The following RAP1A variants were observed in gnomAD, a reference collection of about 807,000 sequenced individuals.
The protein encoded by RAP1A is ras-related protein Rap-1A.
A neutral mutation model predicts 26.4 loss-of-function variants in RAP1A; 6 were observed. The observed-to-expected ratio is 0.23, with a 90% CI of 0.12 to 0.45. RAP1A has a LOEUF of 0.45. Among genes scored for constraint, RAP1A ranks in the 20% least tolerant of loss-of-function variants. The probability of loss-of-function intolerance (pLI) is 0.99; values close to 1 mark genes in which losing one functional copy is unlikely to be tolerated. For synonymous variants in RAP1A, 73 were observed against 79.4 expected (o/e 0.92, Z 0.43); for missense variants, 121 against 217.2 (o/e 0.56, Z 2.78).
At chr1:111,560,390 G>A (rs1402908211) in intron 1 of RAP1A, among the ~76,000 whole-genome samples, 1 of 151,446 alleles carries the variant, frequency 6.6e-6, no homozygotes, top group Non-Finnish European at 1.5e-5. Context: ...TATTCACTAA[G>A]TTCTTAACAA....
chr1:111,563,235 C>T (rs940455956), intron 1 of RAP1A, among the ~76,000 whole-genome samples: 2 of 152,174 alleles, frequency 1.3e-5, no homozygotes, highest in South Asian at 2.1e-4. Flanking sequence ...TGATTAGCAC[C>T]ACTGTACTAC....
At chr1:111,664,330 C>T (rs975071456) in intron 1 of RAP1A, among the ~76,000 whole-genome samples, 12 of 129,454 alleles carry the variant, frequency 9.3e-5, no homozygotes, top group Middle Eastern at 4.6e-3. Context: ...GCTGAGATTG[C>T]GCAACTGCAC....
intron 1 of RAP1A, among the ~76,000 whole-genome samples, chr1:111,621,243 C>CTT (rs1435893678): frequency 6.6e-6 from 1 of 152,178 alleles, no homozygotes; most frequent in Non-Finnish European, 1.5e-5. Flanking sequence ...GATTTGGAAA[C>CTT]TTTCTTTGGG....
chr1:111,625,243 A>G (rs1659358544), intron 1 of RAP1A, among the ~76,000 whole-genome samples: 1 of 152,126 alleles, frequency 6.6e-6, no homozygotes, highest in Non-Finnish European at 1.5e-5. Context: ...GCAGTGCTGT[A>G]CCCACTTATT....
chr1:111,703,522 G>GCCAAATAAAAAAGTGCCTGTTTT, intron 5 of RAP1A, 46 bp downstream of exon 5: 1 of 1,443,792 alleles, frequency 6.9e-7, no homozygotes, highest in Non-Finnish European at 9.2e-7. Flanking sequence ...TCTCTCTGTG[G>GCCAAATAAAAAAGTGCCTGTTTT]CCAAATAAAA....
chr1:111,551,475 G>A (rs991795785), intron 1 of RAP1A, among the ~76,000 whole-genome samples: 6 of 151,966 alleles, frequency 3.9e-5, no homozygotes, highest in African/African-American at 7.2e-5. Context: ...AATGTAATTA[G>A]GATTAATACC....
chr1:111,675,047 C>A (rs1380238705), intron 1 of RAP1A, among the ~76,000 whole-genome samples: 1 of 151,884 alleles, frequency 6.6e-6, no homozygotes, highest in Non-Finnish European at 1.5e-5. Flanking sequence ...TATGTAGTAT[C>A]CCTGGATCTT....
intron 1 of RAP1A, among the ~76,000 whole-genome samples, chr1:111,688,493 G>A (rs1661564533): frequency 6.6e-6 from 1 of 151,432 alleles, no homozygotes; most frequent in South Asian, 2.1e-4. Context: ...CTAATTTTTT[G>A]TACTTTAGTA....
At chr1:111,573,103 T>TGA (rs1346847991) in intron 1 of RAP1A, among the ~76,000 whole-genome samples, 1 of 152,250 alleles carries the variant, frequency 6.6e-6, no homozygotes. Context: ...GGTTGCATAG[T>TGA]ATTCCATGGT....
At chr1:111,706,739 C>T (rs1447200621) in intron 6 of RAP1A, 2 of 985,176 alleles carry the variant, frequency 2.0e-6, no homozygotes, top group Non-Finnish European at 1.2e-6. Flanking sequence ...TATTATAGTT[C>T]GAACTTGCCC....
At chr1:111,648,861 G>A in intron 1 of RAP1A, 2 of 768,588 alleles carry the variant, frequency 2.6e-6, no homozygotes, top group Non-Finnish European at 4.6e-6. Flanking sequence ...CTGAGATTTG[G>A]GGGCATCTGC....
chr1:111,625,532 T>C (rs530056054), intron 1 of RAP1A, among the ~76,000 whole-genome samples: 1 of 152,320 alleles, frequency 6.6e-6, no homozygotes, highest in Non-Finnish European at 1.5e-5. Flanking sequence ...TTCAGTGATA[T>C]TTTAAAATTC....
intron 1 of RAP1A, chr1:111,650,317 A>G (rs1660225168): frequency 6.6e-6 from 1 of 152,142 alleles, no homozygotes; most frequent in Admixed American, 6.5e-5. Flanking sequence ...TCTATGCAGA[A>G]AGACTTCTAT....
At chr1:111,650,002 T>A (rs575213370) in intron 1 of RAP1A, among the ~76,000 whole-genome samples, 1 of 152,276 alleles carries the variant, frequency 6.6e-6, no homozygotes, top group South Asian at 2.1e-4. Flanking sequence ...AGAGAACTCT[T>A]GTTTACACTT....
chr1:111,704,264 G>T (rs907427585), intron 5 of RAP1A, 79 bp from the exon 6 acceptor site: 2 of 1,454,298 alleles, frequency 1.4e-6, no homozygotes, highest in African/African-American at 1.4e-5. Flanking sequence ...GTTGGTGGCA[G>T]ATAATTGCTT....
intron 1 of RAP1A, among the ~76,000 whole-genome samples, chr1:111,549,778 A>G (rs1006137718): frequency 6.6e-6 from 1 of 152,066 alleles, no homozygotes; most frequent in Non-Finnish European, 1.5e-5. Flanking sequence ...CCCCCCATGT[A>G]TCTAGAGCTA....
chr1:111,576,264 A>G (rs1402048554), intron 1 of RAP1A, among the ~76,000 whole-genome samples: 1 of 152,242 alleles, frequency 6.6e-6, no homozygotes, highest in Non-Finnish European at 1.5e-5. Flanking sequence ...TAGGTTGCTG[A>G]GTCCTAAGGA....
At chr1:111,691,177 T>C (rs1233317033) in intron 1 of RAP1A, among the ~76,000 whole-genome samples, 157 bp from the exon 2 acceptor site, 1 of 152,254 alleles carries the variant, frequency 6.6e-6, no homozygotes, top group Non-Finnish European at 1.5e-5. Flanking sequence ...TAAACTTATG[T>C]TAAAATCTGT....
intron 1 of RAP1A, among the ~76,000 whole-genome samples, chr1:111,644,855 C>G (rs1262558942): frequency 6.6e-6 from 1 of 152,148 alleles, no homozygotes; most frequent in Non-Finnish European, 1.5e-5. Context: ...CTCTTCTCTC[C>G]TAGAAGATTA....
Sources: gnomAD v4.1 joint callset for allele counts (sites outside exome capture counted in the v4.1 genomes callset) on GRCh38, gnomAD v4.1.1 for gene constraint, MANE v1.5 for transcripts, NCBI Gene and HGNC (gene_info 2026-07-23, HGNC 2026-07-21) for gene names.